The following HOMER2 variants were observed in gnomAD, a reference collection of about 807,000 sequenced individuals.
HOMER2 encodes the protein homer protein homolog 2.
HOMER2 carries 27 observed loss-of-function variants against 47.0 expected under a neutral mutation model. That is an observed-to-expected ratio of 0.57 (90% CI 0.42 to 0.79). The LOEUF (loss-of-function observed/expected upper bound fraction) is 0.79, where lower values mean the gene tolerates loss of function less well. Among genes scored for constraint, HOMER2 ranks in the 30% least tolerant of loss-of-function variants. HOMER2 has a pLI of 0.00. For missense variants in HOMER2, 443 were observed against 435.0 expected (o/e 1.02, Z -0.16); for synonymous variants, 161 against 163.8 (o/e 0.98, Z 0.13).
chr15:82,912,135 T>G (rs1032786781), intron 1 of HOMER2, among the ~76,000 whole-genome samples: 1 of 152,220 alleles, frequency 6.6e-6, no homozygotes, highest in Non-Finnish European at 1.5e-5. Context: ...CTTTTTAAAG[T>G]CCCCAATTCA....
intron 1 of HOMER2, among the ~76,000 whole-genome samples, chr15:82,973,298 G>A (rs1463092497): frequency 6.6e-6 from 1 of 152,122 alleles, no homozygotes; most frequent in East Asian, 1.9e-4. Flanking sequence ...CCTTCCATGG[G>A]CAGGGCACAG....
At chr15:82,842,170 CAT>C (rs2051182387) in exon 2 of HOMER2, 2 of 152,136 alleles carry the variant, frequency 1.3e-5, no homozygotes, top group East Asian at 1.9e-4. Flanking sequence ...GGCTGAGAAA[CAT>C]AAAACATAAA....
At chr15:82,950,528 T>G (rs1407795652) in intron 1 of HOMER2, among the ~76,000 whole-genome samples, 1 of 152,164 alleles carries the variant, frequency 6.6e-6, no homozygotes, top group Non-Finnish European at 1.5e-5. Flanking sequence ...TATTTTCAGT[T>G]AAAACGGCTC....
chr15:82,931,563 G>A (rs1430119861), intron 1 of HOMER2, among the ~76,000 whole-genome samples: 1 of 151,236 alleles, frequency 6.6e-6, no homozygotes, highest in Non-Finnish European at 1.5e-5. Context: ...AAAAGGCCAG[G>A]TGCGGTGGCT....
At chr15:82,943,339 T>C (rs917995106) in intron 1 of HOMER2, among the ~76,000 whole-genome samples, 1 of 152,170 alleles carries the variant, frequency 6.6e-6, no homozygotes, top group Admixed American at 6.5e-5. Context: ...CAACCAACGG[T>C]GCTCCATGAC....
At chr15:82,847,673 G>T (rs2151590016), downstream of HOMER2, among the ~76,000 whole-genome samples, 1 of 152,320 alleles carries the variant, frequency 6.6e-6, no homozygotes, top group Admixed American at 6.5e-5. Flanking sequence ...CAGTCAAGCG[G>T]GCTCTTTCTA....
chr15:82,894,310 CA>C (rs1381379655), intron 1 of HOMER2, among the ~76,000 whole-genome samples: 3 of 152,148 alleles, frequency 2.0e-5, no homozygotes, highest in Non-Finnish European at 2.9e-5. Flanking sequence ...TGCAAAATGG[CA>C]CAGACTTATC....
intron 3 of HOMER2, 64 bp downstream of exon 3, chr15:82,875,209 G>A: frequency 6.4e-7 from 1 of 1,569,556 alleles, no homozygotes; most frequent in South Asian, 1.1e-5. Flanking sequence ...CCCTCGGCGG[G>A]CAATCACTGA....
chr15:82,881,168 G>A (rs1468330177), intron 2 of HOMER2, among the ~76,000 whole-genome samples: 1 of 152,216 alleles, frequency 6.6e-6, no homozygotes, highest in Non-Finnish European at 1.5e-5. Flanking sequence ...AGAGAAAGAA[G>A]CCACCCTAGT....
chr15:82,936,524 A>T (rs1226051150), intron 1 of HOMER2, among the ~76,000 whole-genome samples: 1 of 152,096 alleles, frequency 6.6e-6, no homozygotes, highest in Non-Finnish European at 1.5e-5. Flanking sequence ...TCAATCTTTT[A>T]ATGTGGATAC....
chr15:82,958,427 AG>A (rs1463260000), exon 2 of HOMER2: 1 of 152,336 alleles, frequency 6.6e-6, no homozygotes, highest in Non-Finnish European at 1.5e-5. Context: ...GGAAGTGGCC[AG>A]GAACAAGAGG....
intron 1 of HOMER2, among the ~76,000 whole-genome samples, chr15:82,893,457 T>C (rs1469599705): frequency 6.7e-6 from 1 of 149,928 alleles, no homozygotes; most frequent in East Asian, 2.0e-4. Context: ...CTCAGCCTCC[T>C]GAGTAGCTGG....
chr15:82,844,612 T>C (rs1567006180), downstream of HOMER2: 1 of 152,186 alleles, frequency 6.6e-6, no homozygotes, highest in East Asian at 1.9e-4. Flanking sequence ...TCAGATAGTG[T>C]AATAACAGGT....
In HOMER2 at chr15:82,927,697, G is replaced by A. The variant is rs562873314; in HGVS notation, c.5+24834C>T. ...GTAAGAAGTGCACTGCTGGCTGGGCGCAGTGGCTCACGCCTGTAATCCCAG... is the reference window on the plus strand; with the variant it reads ...GTAAGAAGTGCACTGCTGGCTGGGCACAGTGGCTCACGCCTGTAATCCCAG... On this transcript the variant is annotated intron_variant, in intron 1 of 8. Transcript: ENST00000450735. Among the ~76,000 whole-genome samples the A allele has an allele frequency of 4.4e-4, 67 of 152,254 alleles. No homozygotes were observed. In the Middle Eastern group the frequency reaches 0.014, roughly 31 times the overall value.
intron 4 of HOMER2, 147 bp from the exon 5 acceptor site, chr15:82,859,282 C>T: frequency 1.9e-6 from 2 of 1,063,346 alleles, no homozygotes; most frequent in Non-Finnish European, 2.7e-6. Flanking sequence ...AACCAGAATG[C>T]AGCAAAGACT....
chr15:82,853,321 TG>T (rs1288286958), intron 6 of HOMER2, among the ~76,000 whole-genome samples: 1 of 152,152 alleles, frequency 6.6e-6, no homozygotes, highest in Non-Finnish European at 1.5e-5. Flanking sequence ...GCTCTTTTCT[TG>T]AAAATGCAAG....
At chr15:82,959,340 G>A (rs1481127641) in intron 1 of HOMER2, 1 of 152,270 alleles carries the variant, frequency 6.6e-6, no homozygotes, top group African/African-American at 2.4e-5. Flanking sequence ...TAGATTCAGG[G>A]TGGTGGCCAA....
At chr15:82,879,989 A>G (rs1179538946) in intron 2 of HOMER2, among the ~76,000 whole-genome samples, 1 of 152,238 alleles carries the variant, frequency 6.6e-6, no homozygotes, top group Non-Finnish European at 1.5e-5. Context: ...ACATTAAAAA[A>G]AAAGAAGGAA....
intron 3 of HOMER2, among the ~76,000 whole-genome samples, chr15:82,868,541 A>ATATATATATTTTTTT: frequency 1.4e-5 from 1 of 71,280 alleles, no homozygotes; most frequent in Non-Finnish European, 2.8e-5. Flanking sequence ...ATATATATAT[A>ATATATATATTTTTTT]TTTTTTTTTT....
Sources: allele counts gnomAD v4.1 joint callset (sites outside exome capture counted in the v4.1 genomes callset), GRCh38; gene constraint gnomAD v4.1.1; transcripts MANE v1.5; gene names NCBI Gene and HGNC (gene_info 2026-07-23, HGNC 2026-07-21).